CGNL1: variants seen among roughly 807,000 people sequenced by gnomAD.
CGNL1 encodes the protein cingulin-like protein 1.
Under a neutral mutation model 141.2 loss-of-function variants are expected in CGNL1, and 132 were observed. The ratio of observed to expected loss-of-function variants is 0.93; its 90% CI spans 0.81 to 1.08. The LOEUF is 1.08. CGNL1 is among the 50% of genes least tolerant of loss of function. The pLI, the probability that CGNL1 is intolerant of heterozygous loss-of-function variation, is 0.00. For synonymous variants in CGNL1, 690 were observed against 622.1 expected (o/e 1.11, Z -1.63); for missense variants, 1,870 against 1,588.6 (o/e 1.18, Z -3.01).
rs144443713 is a variant in CGNL1, at chr15:57,439,213, T to C, written c.1214T>C (p.Ile405Thr). Residue 405 changes from isoleucine (I) to threonine (T), a missense_variant, in exon 2 of 19, where the codon ATT becomes ACT. Ile to Thr is a moderately conservative substitution (Grantham distance 89). Transcript: ENST00000281282. ...FGLQGNSEYLIEFSRNLGKSS... is the reference protein window; with the variant it reads ...FGLQGNSEYLTEFSRNLGKSS... ...CTCCAAGGGAACTCGGAGTACCTGATTGAATTCAGTAGGAACTTGGGCAAG... is the reference window on the plus strand; with the variant it reads ...CTCCAAGGGAACTCGGAGTACCTGACTGAATTCAGTAGGAACTTGGGCAAG... 3.6e-5 allele frequency: 58 copies of C among 1,614,020 alleles called. No individual in the cohort carries two copies. The highest frequency in any genetic ancestry group is 1.6e-4 in the Middle Eastern group (1 of 6,084).
In CGNL1 at chr15:57,547,395, G is replaced by T. The variant is rs1279755488; in HGVS notation, c.3814G>T (p.Asp1272Tyr). Residue 1272 changes from aspartate to tyrosine, a missense_variant, in exon 19 of 19, where the codon GAC becomes TAC. Physicochemically the swap from Asp to Tyr is radical, Grantham distance 160 (BLOSUM62 -3). Transcript: ENST00000281282. The stretch of plus-strand genomic sequence containing the variant: ...GAGTAAAGTGCTGGATGACATGGAT[G>T]ACGACGATGACCTCAGCACGGATGG... The part of the protein sequence containing the change: ...LPSKVLDDMD[D>Y]DDDLSTDGGS... 2 of 1,614,256 alleles carry T rather than the reference G, an allele frequency of 1.2e-6. No individual in the cohort carries two copies. Among genetic ancestry groups the T allele is most frequent in the Non-Finnish European group, 1.7e-6 (2 of 1,180,036 alleles).
At chr15:57,534,018 T>C (rs1257446267) in intron 14 of CGNL1, among the ~76,000 whole-genome samples, 2 of 152,188 alleles carry the variant, frequency 1.3e-5, no homozygotes, top group Admixed American at 6.5e-5. Context: ...GTCTCTAAAA[T>C]CTATCAAAAG....
intron 1 of CGNL1, among the ~76,000 whole-genome samples, chr15:57,419,803 A>G (rs2062893189): frequency 6.6e-6 from 1 of 152,144 alleles, no homozygotes; most frequent in South Asian, 2.1e-4. Flanking sequence ...CCCTCTTTCT[A>G]TACTCTAGCT....
intron 14 of CGNL1, among the ~76,000 whole-genome samples, chr15:57,535,101 T>A (rs1477442612): frequency 1.3e-5 from 2 of 152,198 alleles, no homozygotes; most frequent in Non-Finnish European, 2.9e-5. Flanking sequence ...CTGTAATGGA[T>A]GAGAGATTTG....
intron 7 of CGNL1, among the ~76,000 whole-genome samples, chr15:57,454,036 G>GGTT (rs2063351700): frequency 6.6e-6 from 1 of 152,072 alleles, no homozygotes; most frequent in Non-Finnish European, 1.5e-5. Context: ...CTCTTCTCTA[G>GGTT]ATTATTATCT....
intron 1 of CGNL1, among the ~76,000 whole-genome samples, chr15:57,378,265 C>A (rs1211334896): frequency 2.0e-5 from 3 of 151,004 alleles, no homozygotes; most frequent in Non-Finnish European, 2.9e-5. Flanking sequence ...ACTTTTGTAC[C>A]CCAAATATGA....
chr15:57,549,104 A>C lies in CGNL1; in HGVS notation c.*1614A>C, dbSNP rs2033004516. 1 of 152,224 alleles carries C rather than the reference A, an allele frequency of 6.6e-6. No individual in the cohort carries two copies. Among genetic ancestry groups the C allele is most frequent in the Admixed American group, 6.5e-5 (1 of 15,278 alleles). 9.4% of individuals were successfully genotyped at this position (152,224 alleles called of 1,614,324 possible). On this transcript the variant is annotated 3_prime_UTR_variant, in exon 19 of 19. Coordinates refer to ENST00000281282, the MANE Select transcript of CGNL1 (RefSeq NM_032866.5). ...TGGGGGCCAGGCCACATGGCTGGAG[A>C]GGAATTTCAGGGAGCATAGCATCGG...
chr15:57,469,814 C>T (rs537078361), intron 8 of CGNL1, among the ~76,000 whole-genome samples: 5 of 152,220 alleles, frequency 3.3e-5, no homozygotes, highest in South Asian at 2.1e-4. Flanking sequence ...GTTTTGGTAC[C>T]GTGTTCCCAC....
At chr15:57,515,944 C>G (rs7183994) in intron 8 of CGNL1, among the ~76,000 whole-genome samples, 52,256 of 151,584 alleles carry the variant, frequency 0.34, 9,586 homozygotes, top group East Asian at 0.69. Context: ...AGATGATGAG[C>G]TCAGGAGATC....
chr15:57,451,609 G>GT lies in CGNL1; in HGVS notation c.1905+13dup. On this transcript the variant is annotated intron_variant, in intron 5 of 18. Transcript: ENST00000281282. The stretch of plus-strand genomic sequence containing the variant: ...CTTCAACTGGAAGTCAAGGTATCTG[G>GT]TTTTTCCTTTATGTTATTTTTTCCA... The GT allele has an allele frequency of 6.3e-7, 1 of 1,576,848 alleles. No homozygotes were observed. Among genetic ancestry groups the GT allele is most frequent in the Non-Finnish European group, 8.7e-7 (1 of 1,150,442 alleles).
chr15:57,377,807 T>C (rs2152207370), intron 1 of CGNL1, among the ~76,000 whole-genome samples: 1 of 152,326 alleles, frequency 6.6e-6, no homozygotes, highest in Middle Eastern at 3.4e-3. Flanking sequence ...AGTGATAATT[T>C]GACTTGTCAT....
At chr15:57,539,578 A>C (rs889669647) in intron 14 of CGNL1, among the ~76,000 whole-genome samples, 1 of 152,102 alleles carries the variant, frequency 6.6e-6, no homozygotes, top group African/African-American at 2.4e-5. Flanking sequence ...TGTGGTGTCT[A>C]TTCCCACCTC....
rs1198158094 is a variant in CGNL1, at chr15:57,475,304, C to T, written c.2403+13412C>T. ...TTGTCCCTGGTGAGCTTGGTGCCAG[C>T]CACACTAAAGGATTCCCTGTCACCT... is the stretch of plus-strand genomic sequence containing the variant. On this transcript the variant is annotated intron_variant, in intron 8 of 18. Transcript: ENST00000281282. Among the ~76,000 whole-genome samples, 3 of 150,860 alleles carry T rather than the reference C, an allele frequency of 2.0e-5. 1 individual carries two copies. The highest frequency in any genetic ancestry group is 4.4e-5 in the Non-Finnish European group (3 of 67,786).
chr15:57,444,275 T>G (rs1341042380), intron 4 of CGNL1, among the ~76,000 whole-genome samples: 1 of 152,188 alleles, frequency 6.6e-6, no homozygotes, highest in Non-Finnish European at 1.5e-5. Flanking sequence ...TACTCGTAGT[T>G]TTTTTTGGTA....
At chr15:57,524,971 G>A (rs1166934405) in intron 12 of CGNL1, among the ~76,000 whole-genome samples, 2 of 152,146 alleles carry the variant, frequency 1.3e-5, no homozygotes, top group Admixed American at 6.5e-5. Context: ...GCTTTAACCT[G>A]ACCATTTTCT....
intron 8 of CGNL1, among the ~76,000 whole-genome samples, chr15:57,508,709 G>C (rs1252168907): frequency 6.6e-6 from 1 of 152,216 alleles, no homozygotes; most frequent in Non-Finnish European, 1.5e-5. Context: ...AATCTCTGCA[G>C]AAAGGCCCTG....
chr15:57,408,797 A>C (rs1228750901), intron 1 of CGNL1, among the ~76,000 whole-genome samples: 1 of 152,042 alleles, frequency 6.6e-6, no homozygotes, highest in Non-Finnish European at 1.5e-5. Context: ...GCACTTTGGG[A>C]GGCCGAGGCA....
At position 57,438,376 on chromosome 15, in the gene CGNL1, A is replaced by C. The variant is rs779573168; in HGVS notation, c.377A>C (p.Lys126Thr). The C allele has an allele frequency of 8.1e-6, 13 of 1,614,096 alleles. No homozygotes were observed. The South Asian group carries it at 1.4e-4, about 18-fold the overall frequency. The change falls in exon 2 of 19, where the codon AAG becomes ACG. Residue 126 changes from lysine to threonine, a missense_variant. Lys to Thr is a moderately conservative substitution (Grantham distance 78). Transcript: ENST00000281282. ...NLKQPLLHEG[K>T]NGVLDRKDGS... The stretch of plus-strand genomic sequence containing the variant: ...AAACAGCCCCTGCTCCATGAGGGCA[A>C]GAATGGAGTTCTAGATCGCAAAGAC...
chr15:57,397,612 A>G (rs914616334), intron 1 of CGNL1, among the ~76,000 whole-genome samples: 45 of 152,162 alleles, frequency 3.0e-4, no homozygotes, highest in Non-Finnish European at 5.3e-4. Flanking sequence ...AACCCCCACT[A>G]TCATTTTATT....
Sources: gnomAD v4.1 joint callset for allele counts (sites outside exome capture counted in the v4.1 genomes callset) on GRCh38, gnomAD v4.1.1 for gene constraint, MANE v1.5 for transcripts, NCBI Gene and HGNC (gene_info 2026-07-23, HGNC 2026-07-21) for gene names.